The following ZNF84 variants were observed in gnomAD, a reference collection of about 807,000 sequenced individuals.
The protein encoded by ZNF84 is zinc finger protein HPF2.
ZNF84 carries 12 observed loss-of-function variants against 14.8 expected under a neutral mutation model. The observed-to-expected ratio is 0.81, with a 90% confidence interval of 0.52 to 1.31. ZNF84 has a LOEUF of 1.31. Among genes scored for constraint, ZNF84 ranks in the 50% most tolerant of loss-of-function variants. ZNF84 has a pLI of 0.00. For synonymous variants in ZNF84, 347 were observed against 291.1 expected (o/e 1.19, Z -1.96); for missense variants, 859 against 878.6 (o/e 0.98, Z 0.28).
In ZNF84 at chr12:133,058,953, T is replaced by C. The variant is rs1016554821; in HGVS notation, c.*21T>C. On this transcript the variant is annotated 3_prime_UTR_variant, in exon 5 of 5. Transcript: ENST00000539354. ...CCTAGGAATACAGTTAATAGTAGTC[T>C]TTGACAGATCATCTTGGACTTCAGG... 26 of 1,550,278 alleles carry C rather than the reference T, an allele frequency of 1.7e-5. No individual in the cohort carries two copies. Among genetic ancestry groups the C allele is most frequent in the Non-Finnish European group, 2.3e-5 (26 of 1,154,270 alleles).
In ZNF84 at chr12:133,057,652, C is replaced by G. The variant is rs1954184805; in HGVS notation, c.937C>G (p.His313Asp). 1 of 1,613,996 alleles carries G rather than the reference C, an allele frequency of 6.2e-7. No homozygotes were observed. The highest frequency in any genetic ancestry group is 8.5e-7 in the Non-Finnish European group (1 of 1,180,044). The change falls in exon 5 of 5, where the codon CAC becomes GAC. Residue 313 changes from histidine to aspartate, a missense_variant. Transcript: ENST00000539354. ...ACATCTCATATCGCATTGGAGAACA[C>G]ACACAGGAGAGAAACCCTATGGATG... ...KSHLISHWRT[H>D]TGEKPYGCNE...
Position 133,047,945 on chromosome 12 carries a change from G to A in ZNF84, c.16-10G>A, listed in dbSNP as rs200116900. Reference sequence around the variant, plus strand: ...ACTGCTTCAGATTTACCAGGATTGTGCTCTTACAGGAGTCATTCTCATTTG... The same window carrying A: ...ACTGCTTCAGATTTACCAGGATTGTACTCTTACAGGAGTCATTCTCATTTG... On this transcript the variant is annotated splice_polypyrimidine_tract_variant and intron_variant, in intron 2 of 4. Coordinates refer to ENST00000539354, the MANE Select transcript of ZNF84 (RefSeq NM_001289971.2). 7.6e-5 allele frequency: 122 copies of A among 1,613,544 alleles called. No individual in the cohort carries two copies. The Middle Eastern group carries it at 1.3e-3, about 17-fold the overall frequency.
chr12:133,046,347 GTTTTTTT>G lies in ZNF84; in HGVS notation c.16-1578_16-1572del, dbSNP rs58214468. ...TTTTTGTATCTCTTCAGTCCTCACA[GTTTTTTT>G]TTTTTTTTTTTTTTTTTTTTTTTTT... On this transcript the variant is annotated intron_variant, in intron 2 of 4. Coordinates refer to ENST00000539354, the MANE Select transcript of ZNF84 (RefSeq NM_001289971.2). 3.4e-3 allele frequency among the ~76,000 whole-genome samples: 391 copies of G among 116,324 alleles called. 16 individuals are homozygous for G. Among genetic ancestry groups the G allele is most frequent in the African/African-American group, 5.3e-3 (147 of 27,740 alleles). The allele number at this position is 116,324 out of a possible 152,430, so 76.3% of individuals were successfully genotyped here. A position where few individuals can be genotyped will look rare whatever the true frequency, so the allele number is the denominator to read the frequency against.
In ZNF84 at chr12:133,057,366, T is replaced by G. The variant is rs1954178295; in HGVS notation, c.651T>G (p.Ser217Arg). 6.2e-7 allele frequency: 1 copy of G among 1,613,844 alleles called. No individual in the cohort carries two copies. Among genetic ancestry groups the G allele is most frequent in the African/African-American group, 1.3e-5 (1 of 74,908 alleles). Residue 217 changes from serine to arginine, a missense_variant, in exon 5 of 5, where the codon AGT (serine) becomes AGG (arginine). Transcript: ENST00000539354. Reference protein sequence around the residue: ...YECSECRKRFSKKPSLIKHQS... With the variant: ...YECSECRKRFRKKPSLIKHQS... ...GCAGTGAATGTAGGAAGCGCTTCAGTAAGAAACCAAGTCTCATTAAACATC... is the reference window on the plus strand; with the variant it reads ...GCAGTGAATGTAGGAAGCGCTTCAGGAAGAAACCAAGTCTCATTAAACATC...
rs1350995617 is a variant in ZNF84 at position 133,048,807 on chromosome 12, C to T, written c.197C>T (p.Pro66Leu). The change falls in exon 4 of 5, where the codon CCG (proline) becomes CTG (leucine). Residue 66 changes from proline to leucine, a missense_variant. Transcript: ENST00000539354. ...TTCAAATTGGAGCAAGGAGAAGAGCCGTGGGTAGGAGATGGAGAAATTCCA... is the reference window on the plus strand; with the variant it reads ...TTCAAATTGGAGCAAGGAGAAGAGCTGTGGGTAGGAGATGGAGAAATTCCA... ...VIFKLEQGEE[P>L]WVGDGEIPSS... 8.7e-6 allele frequency: 14 copies of T among 1,613,536 alleles called. No individual in the cohort carries two copies. Among genetic ancestry groups the T allele is most frequent in the Non-Finnish European group, 1.1e-5 (13 of 1,179,850 alleles).
intron 1 of ZNF84, among the ~76,000 whole-genome samples, chr12:133,038,502 A>C (rs1953828749): frequency 1.3e-5 from 2 of 151,960 alleles, no homozygotes; most frequent in Admixed American, 1.3e-4. Flanking sequence ...TCAGGGCTGC[A>C]GTGAGCTATG....
chr12:133,047,754 A>T, intron 2 of ZNF84: 1 of 468,896 alleles, frequency 2.1e-6, no homozygotes. Context: ...GGCTCTCTTT[A>T]ATCTTTAGGT....
chr12:133,048,912 G>A (rs1215136329), intron 4 of ZNF84, 64 bp downstream of exon 4: 6 of 1,367,288 alleles, frequency 4.4e-6, no homozygotes, highest in East Asian at 2.4e-5. Flanking sequence ...GGTCAGTGAC[G>A]GGTGGGCTAG....
intron 4 of ZNF84, among the ~76,000 whole-genome samples, chr12:133,052,442 A>G (rs1202003970): frequency 6.6e-6 from 1 of 152,110 alleles, no homozygotes; most frequent in East Asian, 1.9e-4. Context: ...CCTGGGCTCA[A>G]GTGATCCCCC....
In ZNF84 at chr12:133,048,793, G is replaced by C; in HGVS notation, c.183G>C (p.Glu61Asp). The change falls in exon 4 of 5, where the codon GAG becomes GAC. Residue 61 changes from glutamate (E) to aspartate (D), a missense_variant. Transcript: ENST00000539354. Reference sequence around the variant, plus strand: ...AACCAGATGTCATCTTCAAATTGGAGCAAGGAGAAGAGCCGTGGGTAGGAG... The same window carrying C: ...AACCAGATGTCATCTTCAAATTGGACCAAGGAGAAGAGCCGTGGGTAGGAG... Reference protein sequence around the residue: ...VMKPDVIFKLEQGEEPWVGDG... With the variant: ...VMKPDVIFKLDQGEEPWVGDG... The C allele has an allele frequency of 6.2e-7, 1 of 1,613,830 alleles. No individual in the cohort carries two copies. The highest frequency in any genetic ancestry group is 8.5e-7 in the Non-Finnish European group (1 of 1,179,884).
rs1954291108 is a variant in ZNF84, at chr12:133,063,057, C to G, written c.*4125C>G. The stretch of plus-strand genomic sequence containing the variant: ...GTCTGTGTAATTTTTGCATCACAAG[C>G]TATATTTAAATGTGGGTGCAGTGAG... On this transcript the variant is annotated 3_prime_UTR_variant, in exon 5 of 5. Transcript: ENST00000539354. 5.7e-6 allele frequency: 4 copies of G among 698,516 alleles called. No individual in the cohort carries two copies. The highest frequency in any genetic ancestry group is 1.0e-5 in the Non-Finnish European group (4 of 381,854). 43.3% of individuals were successfully genotyped at this position (698,516 alleles called of 1,614,324 possible).
chr12:133,048,181 A>G lies in ZNF84; in HGVS notation c.142+100A>G, dbSNP rs1465358356. The G allele has an allele frequency of 3.4e-6, 4 of 1,192,922 alleles. No homozygotes were observed. In the African/African-American group the frequency reaches 4.6e-5, roughly 14 times the overall value. 73.9% of individuals were successfully genotyped at this position (1,192,922 alleles called of 1,614,324 possible). A position where few individuals can be genotyped will look rare whatever the true frequency, so the allele number is the denominator to read the frequency against. The stretch of plus-strand genomic sequence containing the variant: ...CAGAAGCCTATAGCTAGGCTTCTGA[A>G]ATTTTTAATGATTTTAGACCTGAAA... On this transcript the variant is annotated intron_variant, in intron 3 of 4. Coordinates refer to ENST00000539354, the MANE Select transcript of ZNF84 (RefSeq NM_001289971.2).
rs1954278009 is a variant in ZNF84 at position 133,062,306 on chromosome 12, T to C, written c.*3374T>C. ...TGACATCATTACCTATGGGTCCATA[T>C]ATTTGTGATACTTTGGTTTCGGGAA... On this transcript the variant is annotated 3_prime_UTR_variant, in exon 5 of 5. Coordinates refer to ENST00000539354, the MANE Select transcript of ZNF84 (RefSeq NM_001289971.2). The C allele has an allele frequency of 6.6e-6, 1 of 152,260 alleles. No homozygotes were observed. The highest frequency in any genetic ancestry group is 1.5e-5 in the Non-Finnish European group (1 of 68,054). The allele number at this position is 152,260 out of a possible 1,614,324, so 9.4% of individuals were successfully genotyped here.
rs1481585761 is a variant in ZNF84 at position 133,059,501 on chromosome 12, C to T, written c.*569C>T. On this transcript the variant is annotated 3_prime_UTR_variant, in exon 5 of 5. Coordinates refer to ENST00000539354, the MANE Select transcript of ZNF84 (RefSeq NM_001289971.2). ...AGGGAAGCCATACACTTTTTGTAGACATGGGTACCAAAAATACCCAATTCT... is the reference window on the plus strand; with the variant it reads ...AGGGAAGCCATACACTTTTTGTAGATATGGGTACCAAAAATACCCAATTCT... 5.2e-5 allele frequency: 8 copies of T among 153,098 alleles called. No homozygotes were observed. Among genetic ancestry groups the T allele is most frequent in the African/African-American group, 1.9e-4 (8 of 41,488 alleles). 9.5% of individuals were successfully genotyped at this position (153,098 alleles called of 1,614,324 possible).
chr12:133,038,581 A>G (rs1306500277), intron 1 of ZNF84, among the ~76,000 whole-genome samples: 1 of 151,922 alleles, frequency 6.6e-6, no homozygotes, highest in African/African-American at 2.4e-5. Context: ...AAAGTGTCCG[A>G]ATTGTTCTTG....
At chr12:133,054,407 TTATAA>T (rs1484483701) in intron 4 of ZNF84, among the ~76,000 whole-genome samples, 2 of 152,154 alleles carry the variant, frequency 1.3e-5, no homozygotes, top group Non-Finnish European at 2.9e-5. Flanking sequence ...TGAAGTTAAC[TTATAA>T]TAGTATAAAT....
intron 3 of ZNF84, 82 bp from the exon 4 acceptor site, chr12:133,048,671 T>G: frequency 2.9e-6 from 3 of 1,022,040 alleles, no homozygotes; most frequent in Non-Finnish European, 3.0e-6. Flanking sequence ...AGGCCAACTT[T>G]GATGTGAAAC....
chr12:133,061,018 A>G lies in ZNF84; in HGVS notation c.*2086A>G, dbSNP rs1263823277. 1 of 152,144 alleles carries G rather than the reference A, an allele frequency of 6.6e-6. No homozygotes were observed. The highest frequency in any genetic ancestry group is 6.5e-5 in the Admixed American group (1 of 15,272). 9.4% of individuals were successfully genotyped at this position (152,144 alleles called of 1,614,324 possible). A position where few individuals can be genotyped will look rare whatever the true frequency, so the allele number is the denominator to read the frequency against. On this transcript the variant is annotated 3_prime_UTR_variant, in exon 5 of 5. Transcript: ENST00000539354. Reference sequence around the variant, plus strand: ...ACCTTAAACAATATTTTCTCCTTTAATTATTGATTTTGCAACATTTTGGGA... The same window carrying G: ...ACCTTAAACAATATTTTCTCCTTTAGTTATTGATTTTGCAACATTTTGGGA...
Position 133,062,865 on chromosome 12 carries a change from T to C in ZNF84, c.*3933T>C. 1 of 523,702 alleles carries C rather than the reference T, an allele frequency of 1.9e-6. No individual in the cohort carries two copies. Among genetic ancestry groups the C allele is most frequent in the Non-Finnish European group, 3.4e-6 (1 of 294,276 alleles). 32.4% of individuals were successfully genotyped at this position (523,702 alleles called of 1,614,324 possible). On this transcript the variant is annotated 3_prime_UTR_variant, in exon 5 of 5. Coordinates refer to ENST00000539354, the MANE Select transcript of ZNF84 (RefSeq NM_001289971.2). Reference sequence around the variant, plus strand: ...ACTTGTAGTTCCTTGAGATTTCTATTATCACTTATGTTTTTGCAAATCTGC... The same window carrying C: ...ACTTGTAGTTCCTTGAGATTTCTATCATCACTTATGTTTTTGCAAATCTGC...
Sources: gnomAD v4.1 joint callset for allele counts (sites outside exome capture counted in the v4.1 genomes callset) on GRCh38, gnomAD v4.1.1 for gene constraint, MANE v1.5 for transcripts, NCBI Gene and HGNC (gene_info 2026-07-23, HGNC 2026-07-21) for gene names.